The following ZNF786 variants were observed in gnomAD, a reference collection of about 807,000 sequenced individuals.
ZNF786 encodes zinc finger protein 786.
ZNF786 carries 56 observed loss-of-function variants against 63.1 expected under a neutral mutation model. That is an observed-to-expected ratio of 0.89 (90% CI 0.72 to 1.11). ZNF786 has a LOEUF of 1.11. ZNF786 is among the 50% of genes least tolerant of loss of function. The pLI is 0.00. For missense variants in ZNF786, 1,213 were observed against 1,041.8 expected, an observed-to-expected ratio of 1.16 and a Z score of -2.26; for synonymous variants, 485 against 406.9, an observed-to-expected ratio of 1.19 and a Z score of -2.31.
chr7:149,071,990 G>A lies in ZNF786; in HGVS notation c.782C>T (p.Ala261Val). ...CCGGAAGGGGCCCCTCCCCGTGTGG[G>A]CCGCCAGATGGCGCAGCAGACACAG... ...RKLCLLRHLA[A>V]HTGRGPFRNA... The change falls in exon 4 of 4, where the codon GCC becomes GTC. Residue 261 changes from alanine to valine, a missense_variant. By Grantham distance (64) the Ala-to-Val change is moderately conservative. Transcript: ENST00000491431. 1 of 1,612,618 alleles carries A rather than the reference G, an allele frequency of 6.2e-7. No individual in the cohort carries two copies. Among genetic ancestry groups the A allele is most frequent in the Non-Finnish European group, 8.5e-7 (1 of 1,179,832 alleles).
intron 1 of ZNF786, among the ~76,000 whole-genome samples, chr7:149,090,345 C>A (rs980322026): frequency 5.3e-5 from 8 of 152,260 alleles, no homozygotes; most frequent in South Asian, 2.1e-4. Flanking sequence ...GCTCCCCGTC[C>A]GCCCGGCATC....
At position 149,070,790 on chromosome 7, in the gene ZNF786, G is replaced by C; in HGVS notation, c.1982C>G (p.Ser661Ter). 6.2e-7 allele frequency: 1 copy of C among 1,613,746 alleles called. No individual in the cohort carries two copies. The highest frequency in any genetic ancestry group is 1.1e-5 in the South Asian group (1 of 91,088). ...CGTTCTGATGTGCTCGATGAGCTTT[G>C]AGTGTTTCACAAAGCCCTTGCCGCA... Reference protein sequence around the residue: ...CECGKGFVKHSKLIEHIRTHT... With the variant: ...CECGKGFVKH The change falls in exon 4 of 4, where the codon TCA becomes TGA. Residue 661 changes from serine to a stop codon, truncating the protein, a stop_gained. Coordinates refer to ENST00000491431, the MANE Select transcript of ZNF786 (RefSeq NM_152411.4). LOFTEE classifies it high-confidence loss of function.
Position 149,088,026 on chromosome 7 carries a change from C to T in ZNF786, c.18+2597G>A, listed in dbSNP as rs115887229. Among the ~76,000 whole-genome samples the T allele has an allele frequency of 4.4e-3, 656 of 147,810 alleles. 6 individuals are homozygous for T. Among genetic ancestry groups the T allele is most frequent in the African/African-American group, 0.015 (611 of 40,078 alleles). On this transcript the variant is annotated intron_variant, in intron 1 of 3. Transcript: ENST00000491431. Reference sequence around the variant, plus strand: ...TTTTTTTTTGTCTTTCTTTCGAGACCGAGTCTTGCTCTGTCACCCAGGCTG... The same window carrying T: ...TTTTTTTTTGTCTTTCTTTCGAGACTGAGTCTTGCTCTGTCACCCAGGCTG...
Position 149,070,267 on chromosome 7 carries a change from C to A in ZNF786, c.*156G>T, listed in dbSNP as rs1471464384. Reference sequence around the variant, plus strand: ...TTGGTGATGCTTCTGAAGAGAAAATCCTTTGTGGTTCTTCATATTCCTAAC... The same window carrying A: ...TTGGTGATGCTTCTGAAGAGAAAATACTTTGTGGTTCTTCATATTCCTAAC... On this transcript the variant is annotated 3_prime_UTR_variant, in exon 4 of 4. Coordinates refer to ENST00000491431, the MANE Select transcript of ZNF786 (RefSeq NM_152411.4). 1 of 933,070 alleles carries A rather than the reference C, an allele frequency of 1.1e-6. No homozygotes were observed. The highest frequency in any genetic ancestry group is 2.5e-5 in the East Asian group (1 of 40,118). 57.8% of individuals were successfully genotyped at this position (933,070 alleles called of 1,614,324 possible).
At chr7:149,086,626 T>TCACACACACA (rs147898859) in intron 1 of ZNF786, among the ~76,000 whole-genome samples, 22 of 147,608 alleles carry the variant, frequency 1.5e-4, no homozygotes, top group African/African-American at 2.8e-4. Context: ...ACACTCTGTC[T>TCACACACACA]CACACACACA....
chr7:149,087,207 A>T (rs1363551506), intron 1 of ZNF786, among the ~76,000 whole-genome samples: 1 of 152,232 alleles, frequency 6.6e-6, no homozygotes, highest in African/African-American at 2.4e-5. Flanking sequence ...GCAACACTTA[A>T]ATCAGAAATT....
chr7:149,071,263 G>A lies in ZNF786; in HGVS notation c.1509C>T (p.His503=), dbSNP rs1195561420. ...TACAGGAGAACGGCCTCTCCCCACC[G>A]TGCCGGAGCCGGTGGGCTCTCAGCA... is the stretch of plus-strand genomic sequence containing the variant. ...ESMLRAHRLR[H]GGERPFSCSE... is the part of the protein sequence containing the mutation. The change falls in exon 4 of 4, where the codon CAC becomes CAT. Residue 503 remains histidine, a synonymous_variant. Transcript: ENST00000491431. 6.2e-7 allele frequency: 1 copy of A among 1,612,866 alleles called. No homozygotes were observed. The highest frequency in any genetic ancestry group is 8.5e-7 in the Non-Finnish European group (1 of 1,179,488).
At chr7:149,074,354 C>T (rs1269991551) in intron 3 of ZNF786, 32 bp downstream of exon 3, 2 of 1,609,264 alleles carry the variant, frequency 1.2e-6, no homozygotes, top group African/African-American at 2.7e-5. Context: ...CATGATGTCT[C>T]AAGGTCGGGG....
At chr7:149,074,292 C>T in intron 3 of ZNF786, 94 bp downstream of exon 3, 1 of 1,467,640 alleles carries the variant, frequency 6.8e-7, no homozygotes, top group Non-Finnish European at 9.3e-7. Context: ...GTCTTCAAAC[C>T]TCAGCTTGCC....
intron 1 of ZNF786, among the ~76,000 whole-genome samples, chr7:149,089,238 C>T (rs1336128276): frequency 2.6e-5 from 4 of 152,100 alleles, no homozygotes; most frequent in African/African-American, 4.8e-5. Context: ...AGGCGTGAGC[C>T]ACCACGCCCG....
intron 1 of ZNF786, among the ~76,000 whole-genome samples, chr7:149,084,338 C>T (rs905077296): frequency 1.2e-5 from 1 of 85,594 alleles, no homozygotes; most frequent in Non-Finnish European, 2.1e-5. Context: ...GACAACAGAG[C>T]AAAACTGCAT....
intron 1 of ZNF786, among the ~76,000 whole-genome samples, chr7:149,088,957 C>CTT (rs34834738): frequency 1.6e-5 from 2 of 122,570 alleles, no homozygotes. Flanking sequence ...TGTTGAGTTT[C>CTT]TTTTTTTTTT....
chr7:149,086,436 T>G (rs1825737050), intron 1 of ZNF786, among the ~76,000 whole-genome samples: 1 of 152,170 alleles, frequency 6.6e-6, no homozygotes, highest in Admixed American at 6.6e-5. Context: ...AATACCAGCT[T>G]TGCCAATATG....
Position 149,077,662 on chromosome 7 carries a change from G to A in ZNF786, c.145+2929C>T, listed in dbSNP as rs117329009. 6.3e-3 allele frequency among the ~76,000 whole-genome samples: 952 copies of A among 151,548 alleles called. 7 individuals are homozygous for A. Among genetic ancestry groups the A allele is most frequent in the Non-Finnish European group, 8.3e-3 (563 of 67,896 alleles). On this transcript the variant is annotated intron_variant, in intron 2 of 3. Transcript: ENST00000491431. ...TAAATAAATAAATAAAAGAAGATGG[G>A]TGTTCTCCTAGCCGGCCACAGTGGC...
intron 3 of ZNF786, among the ~76,000 whole-genome samples, chr7:149,073,745 GTGTATATA>G (rs1168236256): frequency 5.3e-4 from 36 of 67,744 alleles, no homozygotes; most frequent in African/African-American, 1.5e-3. Context: ...GTGTGTGTGT[GTGTATATA>G]TATATATATA....
Position 149,072,023 on chromosome 7 carries a change from C to G in ZNF786, c.749G>C (p.Arg250Pro), listed in dbSNP as rs765306158. 1 of 1,613,014 alleles carries G rather than the reference C, an allele frequency of 6.2e-7. No homozygotes were observed. The highest frequency in any genetic ancestry group is 8.5e-7 in the Non-Finnish European group (1 of 1,179,734). Reference sequence around the variant, plus strand: ...ATGGCGCAGCAGACACAGCTTCCGGCGGAAGCTCTTACCGCACACGCCACA... The same window carrying G: ...ATGGCGCAGCAGACACAGCTTCCGGGGGAAGCTCTTACCGCACACGCCACA... ...FRCGVCGKSF[R>P]RKLCLLRHLA... Residue 250 changes from arginine (R) to proline (P), a missense_variant, in exon 4 of 4, where the codon CGC (arginine) becomes CCC (proline). Transcript: ENST00000491431.
chr7:149,090,173 C>G (rs1433370668), intron 1 of ZNF786, among the ~76,000 whole-genome samples: 1 of 152,226 alleles, frequency 6.6e-6, no homozygotes, highest in African/African-American at 2.4e-5. Context: ...TCACGCTAGA[C>G]AATAAATTCT....
At chr7:149,089,840 A>C (rs1299976230) in intron 1 of ZNF786, among the ~76,000 whole-genome samples, 2 of 151,762 alleles carry the variant, frequency 1.3e-5, no homozygotes, top group Admixed American at 1.3e-4. Context: ...GAGCCTCCCG[A>C]GTAGCTGGGA....
intron 1 of ZNF786, chr7:149,081,224 T>C (rs182675758): frequency 4.4e-6 from 2 of 451,804 alleles, no homozygotes; most frequent in African/African-American, 4.0e-5. Flanking sequence ...GATCACGAGG[T>C]CAGGAGTTCG....
Sources: allele counts gnomAD v4.1 joint callset (sites outside exome capture counted in the v4.1 genomes callset), GRCh38; gene constraint gnomAD v4.1.1; transcripts MANE v1.5; gene names NCBI Gene and HGNC (gene_info 2026-07-23, HGNC 2026-07-21).